The following SEC22A variants were observed in gnomAD, a reference collection of about 807,000 sequenced individuals.
The protein encoded by SEC22A is vesicle-trafficking protein SEC22a.
SEC22A carries 22 observed loss-of-function variants against 35.3 expected under a neutral mutation model. The ratio of observed to expected loss-of-function variants is 0.62; its 90% confidence interval spans 0.45 to 0.89. SEC22A has a LOEUF of 0.89. SEC22A is among the 40% of genes least tolerant of loss of function. The pLI is 0.00. For missense variants in SEC22A, 354 were observed against 362.5 expected (o/e 0.98, Z 0.19); for synonymous variants, 119 against 129.5 (o/e 0.92, Z 0.55).
At chr3:123,256,950 A>G (rs1026088178) in intron 5 of SEC22A, among the ~76,000 whole-genome samples, 15 of 151,668 alleles carry the variant, frequency 9.9e-5, no homozygotes, top group South Asian at 4.2e-4. Flanking sequence ...TAGTAGAGAC[A>G]TGGTTTCACT....
chr3:123,269,826 G>T (rs982249946), intron 6 of SEC22A, among the ~76,000 whole-genome samples: 1 of 151,826 alleles, frequency 6.6e-6, no homozygotes, highest in African/African-American at 2.4e-5. Flanking sequence ...TAGAGACAGG[G>T]TTTCACTGTG....
At chr3:123,225,496 A>G (rs1216121615) in intron 4 of SEC22A, among the ~76,000 whole-genome samples, 199 bp downstream of exon 4, 1 of 152,180 alleles carries the variant, frequency 6.6e-6, no homozygotes, top group East Asian at 1.9e-4. Context: ...TCAAATAGCA[A>G]CCTCAGAGGA....
chr3:123,251,053 TTAG>T (rs548650636), intron 5 of SEC22A, among the ~76,000 whole-genome samples: 155 of 145,568 alleles, frequency 1.1e-3, no homozygotes, highest in Non-Finnish European at 1.3e-3. Flanking sequence ...GTTAACTTAA[TTAG>T]TAGATTTTAA....
At chr3:123,223,088 T>A (rs1413162611) in intron 2 of SEC22A, among the ~76,000 whole-genome samples, 4 of 152,160 alleles carry the variant, frequency 2.6e-5, no homozygotes, top group Non-Finnish European at 5.9e-5. Context: ...GATTCTGGGG[T>A]GTGTCAATGA....
intron 5 of SEC22A, among the ~76,000 whole-genome samples, chr3:123,258,479 A>C (rs1401333703): frequency 6.6e-6 from 1 of 152,198 alleles, no homozygotes; most frequent in Non-Finnish European, 1.5e-5. Context: ...TAGAATTATT[A>C]AACTGGAAAG....
chr3:123,202,333 G>C (rs1336867478), intron 1 of SEC22A, among the ~76,000 whole-genome samples: 1 of 152,324 alleles, frequency 6.6e-6, no homozygotes, highest in East Asian at 1.9e-4. Context: ...TGTCAGCATG[G>C]TGGTGGGGAT....
At chr3:123,227,178 G>T (rs1559755052) in intron 4 of SEC22A, among the ~76,000 whole-genome samples, 1 of 151,836 alleles carries the variant, frequency 6.6e-6, no homozygotes, top group Non-Finnish European at 1.5e-5. Flanking sequence ...ATATGCCATT[G>T]TCAGACTATT....
At chr3:123,245,280 C>G (rs909533676) in intron 4 of SEC22A, among the ~76,000 whole-genome samples, 5 of 152,216 alleles carry the variant, frequency 3.3e-5, no homozygotes. Flanking sequence ...CAAATACTTT[C>G]ACCTACCTGC....
chr3:123,235,923 G>T (rs1937411783), intron 4 of SEC22A, among the ~76,000 whole-genome samples: 1 of 152,124 alleles, frequency 6.6e-6, no homozygotes, highest in East Asian at 1.9e-4. Context: ...AAAACATTAT[G>T]CTAAATAAAA....
chr3:123,209,409 C>G lies in SEC22A; in HGVS notation c.182+10C>G, dbSNP rs779229907. On this transcript the variant is annotated intron_variant, in intron 2 of 6. Coordinates refer to ENST00000492595, the MANE Select transcript of SEC22A (RefSeq NM_012430.5). Reference sequence around the variant, plus strand: ...GACATTATAACATTAAGTAAGACTTCAGTTTGCTTCATTTGACTCATTTGC... The same window carrying G: ...GACATTATAACATTAAGTAAGACTTGAGTTTGCTTCATTTGACTCATTTGC... 1 of 1,596,834 alleles carries G rather than the reference C, an allele frequency of 6.3e-7. No individual in the cohort carries two copies. The highest frequency in any genetic ancestry group is 1.1e-5 in the South Asian group (1 of 89,942).
intron 4 of SEC22A, among the ~76,000 whole-genome samples, chr3:123,244,630 C>T (rs1272525319): frequency 6.6e-6 from 1 of 152,076 alleles, no homozygotes; most frequent in Non-Finnish European, 1.5e-5. Context: ...GGAATAAATA[C>T]TTTTTTGTGA....
intron 4 of SEC22A, among the ~76,000 whole-genome samples, chr3:123,228,748 A>G (rs1937261371): frequency 1.3e-5 from 2 of 152,236 alleles, no homozygotes; most frequent in Non-Finnish European, 2.9e-5. Context: ...AAAGGAAACT[A>G]TTAAAGGAGT....
chr3:123,234,018 A>G (rs1388316356), intron 4 of SEC22A, among the ~76,000 whole-genome samples: 2 of 152,262 alleles, frequency 1.3e-5, no homozygotes, highest in Non-Finnish European at 2.9e-5. Context: ...GCAGGATACA[A>G]GATTAATATA....
chr3:123,267,251 A>G (rs921749911), intron 6 of SEC22A, among the ~76,000 whole-genome samples: 1 of 151,336 alleles, frequency 6.6e-6, no homozygotes, highest in African/African-American at 2.4e-5. Flanking sequence ...AGTTAATGTA[A>G]TTATGGATAT....
At chr3:123,271,450 C>T in intron 6 of SEC22A, 72 bp from the exon 7 acceptor site, 5 of 1,324,094 alleles carry the variant, frequency 3.8e-6, no homozygotes, top group Non-Finnish European at 5.3e-6. Flanking sequence ...TGACCTGTTA[C>T]AATTTTATAT....
At position 123,216,868 on chromosome 3, in the gene SEC22A, G is replaced by T. The variant is rs559575270; in HGVS notation, c.183-6691G>T. 2.6e-5 allele frequency among the ~76,000 whole-genome samples: 4 copies of T among 152,234 alleles called. No homozygotes were observed. The South Asian group carries it at 8.3e-4, about 32-fold the overall frequency. ...TTTAGAGATGGGGTTTTGCTCTGTTGCCCAGGCAGGAGTACAGTGGCACAA... is the reference window on the plus strand; with the variant it reads ...TTTAGAGATGGGGTTTTGCTCTGTTTCCCAGGCAGGAGTACAGTGGCACAA... On this transcript the variant is annotated intron_variant, in intron 2 of 6. Coordinates refer to ENST00000492595, the MANE Select transcript of SEC22A (RefSeq NM_012430.5).
chr3:123,212,331 G>T (rs1936951189), intron 2 of SEC22A, among the ~76,000 whole-genome samples: 2 of 152,104 alleles, frequency 1.3e-5, no homozygotes, highest in African/African-American at 4.8e-5. Flanking sequence ...TATGTAAAAT[G>T]ATGTCTCAAC....
At chr3:123,225,417 G>T (rs1272976785) in intron 4 of SEC22A, 120 bp downstream of exon 4, 1 of 526,242 alleles carries the variant, frequency 1.9e-6, no homozygotes, top group East Asian at 3.1e-5. Context: ...GAATATAGAA[G>T]TTCAAAGCAA....
At chr3:123,268,569 G>A (rs1189295023) in intron 6 of SEC22A, among the ~76,000 whole-genome samples, 1 of 152,124 alleles carries the variant, frequency 6.6e-6, no homozygotes, top group Non-Finnish European at 1.5e-5. Context: ...AGAAGTCCCT[G>A]AGCCGTTGTT....
Sources: gnomAD v4.1 joint callset for allele counts (sites outside exome capture counted in the v4.1 genomes callset) on GRCh38, gnomAD v4.1.1 for gene constraint, MANE v1.5 for transcripts, NCBI Gene and HGNC (gene_info 2026-07-23, HGNC 2026-07-21) for gene names.